SYNE2: variants seen among roughly 807,000 people sequenced by gnomAD.
SYNE2 encodes spectrin repeat containing nuclear envelope protein 2, also known as nesprin-2.
SYNE2 carries 431 observed loss-of-function variants against 856.3 expected under a neutral mutation model. The ratio of observed to expected loss-of-function variants is 0.50; its 90% CI spans 0.47 to 0.55. SYNE2 has a LOEUF of 0.55. SYNE2 is among the 20% of genes least tolerant of loss of function. SYNE2 has a pLI of 0.00. For synonymous variants in SYNE2, 2,923 were observed against 2,872.3 expected (o/e 1.02, Z -0.56); for missense variants, 8,129 against 8,023.2 (o/e 1.01, Z -0.50).
In SYNE2 at chr14:63,930,401, A is replaced by T. The variant is rs564654873; in HGVS notation, c.80-10213A>T. Among the ~76,000 whole-genome samples, 372 of 152,246 alleles carry T rather than the reference A, an allele frequency of 2.4e-3. 3 individuals carry two copies. The highest frequency in any genetic ancestry group is 4.6e-3 in the Non-Finnish European group (312 of 68,016). On this transcript the variant is annotated intron_variant, in intron 2 of 115. Coordinates refer to ENST00000555002, the MANE Select transcript of SYNE2 (RefSeq NM_182914.3). ...CAATAAAACAGTTGTTAATTTTTAA[A>T]AAAAATTCTCCAAAGTGTAGTTTGG...
intron 1 of SYNE2, among the ~76,000 whole-genome samples, chr14:63,868,988 A>G (rs750963162): frequency 1.2e-4 from 19 of 152,252 alleles, no homozygotes; most frequent in Non-Finnish European, 2.6e-4. Context: ...TTTCATCAGA[A>G]GCAAGAGAGA....
In SYNE2 at chr14:63,884,291, T is replaced by C. The variant is rs114860635; in HGVS notation, c.-51-24807T>C. Among the ~76,000 whole-genome samples the C allele has an allele frequency of 4.9e-3, 741 of 152,282 alleles. 4 individuals carry two copies. The highest frequency in any genetic ancestry group is 0.016 in the African/African-American group (685 of 41,548). On this transcript the variant is annotated intron_variant, in intron 1 of 115. Coordinates refer to ENST00000555002, the MANE Select transcript of SYNE2 (RefSeq NM_182914.3). ...GACCTGAGTGCTGTAGGAAAGGCTT[T>C]TCTTCTGAAGACAGAAAAACTAAGA...
rs569893208 is a variant in SYNE2, at chr14:63,764,589, A to G, written c.-305+2603A>G. Among the ~76,000 whole-genome samples, 31 of 133,256 alleles carry G rather than the reference A, an allele frequency of 2.3e-4. No homozygotes were observed. The South Asian group carries it at 7.2e-3, about 31-fold the overall frequency. The allele number at this position is 133,256 out of a possible 152,430, so 87.4% of individuals were successfully genotyped here. Reference sequence around the variant, plus strand: ...TTTTTTTTTGATTTATTTTACTTTAAGTTCTAGGATACATGTGCAGAACGT... The same window carrying G: ...TTTTTTTTTGATTTATTTTACTTTAGGTTCTAGGATACATGTGCAGAACGT... On this transcript the variant is annotated intron_variant, in intron 1 of 23. Transcript: ENST00000674003.
At chr14:64,017,917 C>A (rs1350822571) in intron 34 of SYNE2, among the ~76,000 whole-genome samples, 161 bp downstream of exon 34, 1 of 152,058 alleles carries the variant, frequency 6.6e-6, no homozygotes, top group Non-Finnish European at 1.5e-5. Flanking sequence ...AATCTATTAC[C>A]CTTACCAATA....
intron 32 of SYNE2, 63 bp from the exon 33 acceptor site, chr14:64,016,410 T>A: frequency 9.1e-7 from 1 of 1,103,092 alleles, no homozygotes; most frequent in Admixed American, 2.3e-5. Flanking sequence ...ACAATAGAAT[T>A]GTGATTCTTA....
chr14:64,140,921 G>C (rs1040437840), intron 80 of SYNE2, among the ~76,000 whole-genome samples: 1 of 150,676 alleles, frequency 6.6e-6, no homozygotes, highest in Non-Finnish European at 1.5e-5. Context: ...TTCATACTTC[G>C]TAGCTATGAT....
At chr14:63,889,477 A>T (rs1312564698) in intron 1 of SYNE2, among the ~76,000 whole-genome samples, 1 of 152,094 alleles carries the variant, frequency 6.6e-6, no homozygotes. Flanking sequence ...TTTTTATTTT[A>T]AAATATTTAT....
At chr14:63,941,016 G>A (rs1455041462) in intron 3 of SYNE2, among the ~76,000 whole-genome samples, 1 of 152,214 alleles carries the variant, frequency 6.6e-6, no homozygotes, top group East Asian at 1.9e-4. Context: ...CTCTTTAAGT[G>A]TAATGATTAT....
chr14:64,000,725 A>G lies in SYNE2; in HGVS notation c.3638+6A>G. 5 of 1,609,984 alleles carry G rather than the reference A, an allele frequency of 3.1e-6. No homozygotes were observed. The highest frequency in any genetic ancestry group is 2.7e-5 in the African/African-American group (2 of 74,978). ...CAGATGACTCTTAATACCAGGTAAA[A>G]TTCTGAGATCTATTAACTATGAATC... On this transcript the variant is annotated splice_donor_region_variant and intron_variant, in intron 28 of 115. Transcript: ENST00000555002.
At chr14:63,838,141 G>A (rs897976326) in intron 1 of SYNE2, among the ~76,000 whole-genome samples, 8 of 151,942 alleles carry the variant, frequency 5.3e-5, no homozygotes, top group Middle Eastern at 3.4e-3. Flanking sequence ...AGGCCAAGGC[G>A]GGTAGATCAT....
intron 66 of SYNE2, among the ~76,000 whole-genome samples, chr14:64,115,078 C>T (rs1054429864): frequency 2.6e-5 from 4 of 152,122 alleles, no homozygotes; most frequent in Non-Finnish European, 4.4e-5. Flanking sequence ...ATTTTGAGTC[C>T]CACCCACTTA....
intron 1 of SYNE2, among the ~76,000 whole-genome samples, chr14:63,846,059 T>TTC (rs1249142490): frequency 1.3e-5 from 2 of 150,136 alleles, no homozygotes; most frequent in Non-Finnish European, 3.0e-5. Context: ...TTTTTTTTTT[T>TTC]TCCTCTTGAG....
chr14:64,073,347 CT>C (rs1024712995), intron 52 of SYNE2, among the ~76,000 whole-genome samples: 1 of 152,108 alleles, frequency 6.6e-6, no homozygotes, highest in Non-Finnish European at 1.5e-5. Flanking sequence ...TTACAAAGGG[CT>C]TAGGAGCTCT....
At chr14:63,900,624 G>A (rs1389060686) in intron 1 of SYNE2, among the ~76,000 whole-genome samples, 2 of 152,170 alleles carry the variant, frequency 1.3e-5, no homozygotes, top group African/African-American at 4.8e-5. Context: ...GACACAGCCA[G>A]ACCATATCAT....
intron 1 of SYNE2, among the ~76,000 whole-genome samples, chr14:63,818,999 A>C (rs1180833970): frequency 2.6e-5 from 4 of 151,566 alleles, no homozygotes; most frequent in Admixed American, 6.6e-5. Context: ...CACCTGGCCC[A>C]AATTTTTTTT....
chr14:63,878,604 G>A (rs1436515595), intron 1 of SYNE2, among the ~76,000 whole-genome samples: 1 of 152,032 alleles, frequency 6.6e-6, no homozygotes, highest in Non-Finnish European at 1.5e-5. Flanking sequence ...GTGCAGTGGT[G>A]CGATCTCAAC....
At chr14:63,805,116 C>T (rs895857103) in intron 1 of SYNE2, among the ~76,000 whole-genome samples, 2 of 152,058 alleles carry the variant, frequency 1.3e-5, no homozygotes, top group African/African-American at 2.4e-5. Context: ...CTTTTTGTAC[C>T]GATACCGTAC....
chr14:63,958,788 A>G (rs996248379), intron 8 of SYNE2, among the ~76,000 whole-genome samples: 3 of 151,888 alleles, frequency 2.0e-5, no homozygotes, highest in African/African-American at 7.3e-5. Flanking sequence ...TTACTTATTT[A>G]TTCAGTCATT....
chr14:64,012,744 A>G (rs2096856387), intron 32 of SYNE2, among the ~76,000 whole-genome samples: 1 of 152,216 alleles, frequency 6.6e-6, no homozygotes, highest in East Asian at 1.9e-4. Flanking sequence ...TTAATACACT[A>G]TTGTTTAATT....
Sources: allele counts gnomAD v4.1 joint callset (sites outside exome capture counted in the v4.1 genomes callset), GRCh38; gene constraint gnomAD v4.1.1; transcripts MANE v1.5; gene names NCBI Gene and HGNC (gene_info 2026-07-23, HGNC 2026-07-21).